XPC: variants seen among roughly 807,000 people sequenced by gnomAD.
The protein encoded by XPC is XPC complex subunit, DNA damage recognition and repair factor, also known as DNA repair protein complementing XP-C cells.
XPC carries 76 observed loss-of-function variants against 95.8 expected under a neutral mutation model. The observed-to-expected ratio is 0.79, with a 90% CI of 0.66 to 0.96. The LOEUF is 0.96. XPC is among the 40% of genes least tolerant of loss of function. XPC has a pLI of 0.00. For missense variants in XPC, 1,146 were observed against 1,179.8 expected (o/e 0.97, Z 0.42); for synonymous variants, 442 against 442.1 (o/e 1.00, Z 0.00).
intron 7 of XPC, among the ~76,000 whole-genome samples, chr3:14,163,015 C>T (rs1696223722): frequency 6.6e-6 from 1 of 152,182 alleles, no homozygotes; most frequent in African/African-American, 2.4e-5. Context: ...TGAAAAGACA[C>T]TCATCATCAT....
At chr3:14,172,734 G>T in intron 2 of XPC, 133 bp downstream of exon 2, 1 of 1,046,878 alleles carries the variant, frequency 9.6e-7, no homozygotes, top group Non-Finnish European at 1.3e-6. Context: ...ACCGGTCTGA[G>T]TTGTACCTAG....
Position 14,168,300 on chromosome 3 carries a change from T to C in XPC, c.493A>G (p.Ile165Val), listed in dbSNP as rs1696469566. 6.2e-6 allele frequency: 10 copies of C among 1,613,788 alleles called. No individual in the cohort carries two copies. Among genetic ancestry groups the C allele is most frequent in the Non-Finnish European group, 7.6e-6 (9 of 1,179,840 alleles). ...GCCTGCTCTGGCGTTTCAATCTCTA[T>C]CTCCACTGGCTTCACAGGCAGAAGA... ...RSLLPVKPVE[I>V]EIETPEQAKT... Residue 165 changes from isoleucine to valine, a missense_variant, in exon 4 of 16, where the codon ATA becomes GTA. Transcript: ENST00000285021.
rs148152249 is a variant in XPC at position 14,165,272 on chromosome 3, T to C, written c.779+156A>G. 2.6e-5 allele frequency among the ~76,000 whole-genome samples: 4 copies of C among 152,332 alleles called. No individual in the cohort carries two copies. The East Asian group carries it at 7.7e-4, about 29-fold the overall frequency. On this transcript the variant is annotated intron_variant, in intron 6 of 15. Transcript: ENST00000285021. ...GTCTGGCAGCTCTACCAGGGCAAGATCATACCTGGCATTTCTCTATCTTCA... is the reference window on the plus strand; with the variant it reads ...GTCTGGCAGCTCTACCAGGGCAAGACCATACCTGGCATTTCTCTATCTTCA...
At chr3:14,161,165 T>G (rs971551460) in intron 7 of XPC, among the ~76,000 whole-genome samples, 3 of 152,256 alleles carry the variant, frequency 2.0e-5, no homozygotes, top group Middle Eastern at 3.4e-3. Flanking sequence ...TCTGAACAGA[T>G]CTGTAATAAC....
intron 8 of XPC, among the ~76,000 whole-genome samples, 173 bp downstream of exon 8, chr3:14,159,568 T>C (rs1388345530): frequency 6.6e-6 from 1 of 152,204 alleles, no homozygotes; most frequent in Non-Finnish European, 1.5e-5. Flanking sequence ...TTCAGGCTGC[T>C]AGATACCCAC....
chr3:14,176,719 T>C (rs1369145308), intron 1 of XPC, among the ~76,000 whole-genome samples: 3 of 152,268 alleles, frequency 2.0e-5, no homozygotes, highest in African/African-American at 4.8e-5. Flanking sequence ...TCTAGTGTGA[T>C]AGCCTTTGCC....
chr3:14,147,292 T>C lies in XPC; in HGVS notation c.2602A>G (p.Lys868Glu). Residue 868 changes from lysine (K) to glutamate (E), a missense_variant and splice_region_variant, in exon 15 of 16, where the codon AAG becomes GAG. By Grantham distance (56) the Lys-to-Glu change is moderately conservative. Transcript: ENST00000285021. ...RERLKRRYGPKSEAAAPHTDA... is the reference protein window; with the variant it reads ...RERLKRRYGPESEAAAPHTDA... The stretch of plus-strand genomic sequence containing the variant: ...CTCTGCAAAGAACCTGCACTGACCT[T>C]GGGCCCGTAGCGACGCTTCAGCCTC... The C allele has an allele frequency of 1.2e-6, 2 of 1,608,946 alleles. No homozygotes were observed. Among genetic ancestry groups the C allele is most frequent in the Non-Finnish European group, 1.7e-6 (2 of 1,177,774 alleles).
At chr3:14,154,668 C>T (rs537723698) in intron 10 of XPC, among the ~76,000 whole-genome samples, 9 of 151,798 alleles carry the variant, frequency 5.9e-5, no homozygotes, top group East Asian at 1.9e-4. Context: ...TTGATGGGGA[C>T]GGAGTTTTGG....
At chr3:14,147,414 A>G (rs1447462330) in intron 14 of XPC, 35 bp from the exon 15 acceptor site, 1 of 1,564,416 alleles carries the variant, frequency 6.4e-7, no homozygotes, top group Non-Finnish European at 8.7e-7. Flanking sequence ...AAAAGTGTTA[A>G]GCACTGACAT....
intron 1 of XPC, among the ~76,000 whole-genome samples, chr3:14,175,612 G>GA: frequency 6.6e-6 from 1 of 152,332 alleles, no homozygotes; most frequent in South Asian, 2.1e-4. Context: ...GGATATCACT[G>GA]AAGGTGTTAA....
At position 14,165,502 on chromosome 3, in the gene XPC, GGAC is replaced by G. The variant is rs773660695; in HGVS notation, c.702_704del (p.Ser235del). 6.2e-7 allele frequency: 1 copy of G among 1,609,696 alleles called. No individual in the cohort carries two copies. The highest frequency in any genetic ancestry group is 1.1e-5 in the South Asian group (1 of 89,948). ...CTCTGGTAAAGCGGGCTGGGATGAT[GGAC>G]AGGCCAATAGCATGCAGATCTGGCT... On this transcript the variant is annotated inframe_deletion, in exon 6 of 16. Transcript: ENST00000285021.
In XPC at chr3:14,159,683, T is replaced by A. The variant is rs1236637474; in HGVS notation, c.990+58A>T. 11 of 1,471,672 alleles carry A rather than the reference T, an allele frequency of 7.5e-6. No homozygotes were observed. In the Admixed American group the frequency reaches 1.8e-4, roughly 24 times the overall value. 91.2% of individuals were successfully genotyped at this position (1,471,672 alleles called of 1,614,324 possible). On this transcript the variant is annotated intron_variant, in intron 8 of 15. Coordinates refer to ENST00000285021, the MANE Select transcript of XPC (RefSeq NM_004628.5). ...AAAATATAATAATGATCAATTTTTT[T>A]AAGTGTGACAATTTCCTGTCAATTG...
chr3:14,152,625 A>C, intron 10 of XPC: 1 of 520,282 alleles, frequency 1.9e-6, no homozygotes, highest in Non-Finnish European at 3.4e-6. Context: ...GTCCACTTAC[A>C]AACCCTAATC....
chr3:14,165,292 T>A, intron 6 of XPC, 136 bp downstream of exon 6: 1 of 1,206,784 alleles, frequency 8.3e-7, no homozygotes, highest in Non-Finnish European at 1.1e-6. Context: ...CATTTCTCTA[T>A]CTTCAATGCC....
At chr3:14,156,916 G>C (rs761996561) in intron 9 of XPC, among the ~76,000 whole-genome samples, 5 of 152,176 alleles carry the variant, frequency 3.3e-5, no homozygotes, top group Non-Finnish European at 7.3e-5. Context: ...TTCTCACCCT[G>C]CGACTTTTCT....
At chr3:14,171,903 G>A (rs1001986037) in intron 2 of XPC, among the ~76,000 whole-genome samples, 5 of 152,120 alleles carry the variant, frequency 3.3e-5, no homozygotes, top group Non-Finnish European at 2.9e-5. Flanking sequence ...GATCATGGCG[G>A]AAAATCATCA....
intron 1 of XPC, among the ~76,000 whole-genome samples, chr3:14,175,691 TTTC>T (rs1157061272): frequency 6.6e-6 from 1 of 152,228 alleles, no homozygotes. Flanking sequence ...GGAAGCCTGT[TTTC>T]TTTTCTCCTA....
intron 14 of XPC, chr3:14,147,634 C>T (rs1204846426): frequency 5.0e-6 from 3 of 602,788 alleles, no homozygotes; most frequent in Admixed American, 6.1e-5. Context: ...TCTTCCAGAA[C>T]CTGGACACAG....
chr3:14,168,256 C>T lies in XPC; in HGVS notation c.536+1G>A, dbSNP rs376014673. On this transcript the variant is annotated splice_donor_variant, in intron 4 of 15. Coordinates refer to ENST00000285021, the MANE Select transcript of XPC (RefSeq NM_004628.5). LOFTEE classifies it high-confidence loss of function. ...GCCTAGAAGCAAGGGCCTAAGCTTA[C>T]CTTCTTTCTCTTGTCTTCGCCTGCT... 1 of 1,610,412 alleles carries T rather than the reference C, an allele frequency of 6.2e-7. No individual in the cohort carries two copies. Among genetic ancestry groups the T allele is most frequent in the Non-Finnish European group, 8.5e-7 (1 of 1,178,696 alleles).
Sources: allele counts gnomAD v4.1 joint callset (sites outside exome capture counted in the v4.1 genomes callset), GRCh38; gene constraint gnomAD v4.1.1; transcripts MANE v1.5; gene names NCBI Gene and HGNC (gene_info 2026-07-23, HGNC 2026-07-21).